Variants in ARHGAP26 observed in about 807,000 individuals in gnomAD.
The protein encoded by ARHGAP26 is Rho GTPase activating protein 26.
ARHGAP26 carries 38 observed loss-of-function variants against 104.8 expected under a neutral mutation model. That is an observed-to-expected ratio of 0.36 (90% CI 0.28 to 0.48). ARHGAP26 has a LOEUF of 0.48. ARHGAP26 is among the 20% of genes least tolerant of loss of function. ARHGAP26 has a pLI of 0.99. For missense variants in ARHGAP26, 704 were observed against 947.9 expected, an observed-to-expected ratio of 0.74 and a Z score of 3.38; for synonymous variants, 341 against 340.0, an observed-to-expected ratio of 1.00 and a Z score of -0.03.
chr5:142,778,663 G>A (rs958596251), intron 1 of ARHGAP26, among the ~76,000 whole-genome samples: 14 of 152,174 alleles, frequency 9.2e-5, no homozygotes, highest in African/African-American at 3.1e-4. Flanking sequence ...ATTAGAAGGC[G>A]TGCTGCAGTG....
At chr5:143,218,650 C>T (rs1443756033) in intron 22 of ARHGAP26, among the ~76,000 whole-genome samples, 1 of 152,172 alleles carries the variant, frequency 6.6e-6, no homozygotes, top group Non-Finnish European at 1.5e-5. Flanking sequence ...CCCATGTCCC[C>T]AGCAGCTTAT....
chr5:142,901,524 A>T (rs1015867033), intron 6 of ARHGAP26, among the ~76,000 whole-genome samples: 6 of 152,198 alleles, frequency 3.9e-5, no homozygotes, highest in Admixed American at 6.5e-5. Flanking sequence ...CAAATGTACT[A>T]GAGGGAAACT....
intron 20 of ARHGAP26, among the ~76,000 whole-genome samples, chr5:143,181,538 C>T (rs1804376740): frequency 6.6e-6 from 1 of 152,186 alleles, no homozygotes; most frequent in African/African-American, 2.4e-5. Context: ...GTGTTGTCAT[C>T]ACCTGGTTAT....
intron 11 of ARHGAP26, among the ~76,000 whole-genome samples, chr5:143,012,577 T>TATATATATATATAAA (rs1554195775): frequency 5.2e-5 from 1 of 19,088 alleles, no homozygotes; most frequent in East Asian, 7.6e-4. Context: ...ATATATATAT[T>TATATATATATATAAA]ATGATCAGGT....
At chr5:143,097,383 AG>A (rs1792517375) in intron 17 of ARHGAP26, among the ~76,000 whole-genome samples, 2 of 149,586 alleles carry the variant, frequency 1.3e-5, no homozygotes, top group Non-Finnish European at 3.0e-5. Context: ...AAAAAAAAAA[AG>A]AGCATATCTG....
intron 1 of ARHGAP26, among the ~76,000 whole-genome samples, chr5:142,825,091 G>A (rs563035909): frequency 6.6e-6 from 1 of 152,204 alleles, no homozygotes; most frequent in Non-Finnish European, 1.5e-5. Context: ...GGGATAAGTA[G>A]TAGAGGCAGC....
At position 143,204,095 on chromosome 5, in the gene ARHGAP26, A is replaced by G. The variant is rs552826247; in HGVS notation, c.1989-3103A>G. Among the ~76,000 whole-genome samples, 4 of 152,242 alleles carry G rather than the reference A, an allele frequency of 2.6e-5. No homozygotes were observed. In the South Asian group the frequency reaches 8.3e-4, roughly 32 times the overall value. On this transcript the variant is annotated intron_variant, in intron 20 of 22. Coordinates refer to ENST00000645722, the MANE Select transcript of ARHGAP26 (RefSeq NM_001135608.3). Reference sequence around the variant, plus strand: ...AAAAAAAAAAAATCACAGAAGTACTATGGAGTATGCATTTTATTATTATAC... The same window carrying G: ...AAAAAAAAAAAATCACAGAAGTACTGTGGAGTATGCATTTTATTATTATAC...
chr5:142,988,744 A>G (rs1282922344), intron 11 of ARHGAP26, among the ~76,000 whole-genome samples: 4 of 152,030 alleles, frequency 2.6e-5, no homozygotes, highest in Non-Finnish European at 1.5e-5. Flanking sequence ...TCATTTCGTT[A>G]TGTACCCAGT....
chr5:142,792,824 A>T (rs1169432478), intron 1 of ARHGAP26, among the ~76,000 whole-genome samples: 2 of 152,290 alleles, frequency 1.3e-5, no homozygotes, highest in East Asian at 3.9e-4. Context: ...TATTGTGCTG[A>T]TTTCTACTAT....
At chr5:142,973,481 C>T (rs561386075) in intron 11 of ARHGAP26, among the ~76,000 whole-genome samples, 48 of 152,300 alleles carry the variant, frequency 3.2e-4, no homozygotes, top group Non-Finnish European at 6.3e-4. Flanking sequence ...ACTCAAAAAT[C>T]GTTGAAATGT....
intron 1 of ARHGAP26, among the ~76,000 whole-genome samples, chr5:142,817,465 A>G (rs1765356372): frequency 6.6e-6 from 1 of 152,170 alleles, no homozygotes; most frequent in Non-Finnish European, 1.5e-5. Context: ...CACTGAGAGG[A>G]TGGTGCCTTG....
chr5:143,214,552 T>C (rs1449624460), intron 22 of ARHGAP26, among the ~76,000 whole-genome samples: 1 of 152,238 alleles, frequency 6.6e-6, no homozygotes, highest in Non-Finnish European at 1.5e-5. Flanking sequence ...TCCTCACTTT[T>C]GTCTGGGCAG....
intron 11 of ARHGAP26, among the ~76,000 whole-genome samples, chr5:142,969,787 A>G (rs1771962488): frequency 6.6e-6 from 1 of 151,290 alleles, no homozygotes; most frequent in African/African-American, 2.4e-5. Flanking sequence ...CCTGAAGATG[A>G]GGAGTATGGG....
intron 11 of ARHGAP26, among the ~76,000 whole-genome samples, chr5:142,962,047 T>C (rs1770343566): frequency 6.6e-6 from 1 of 152,216 alleles, no homozygotes; most frequent in Admixed American, 6.5e-5. Context: ...TGTTTGGTAC[T>C]GAGACTGAGT....
chr5:143,145,355 TC>T, intron 19 of ARHGAP26, among the ~76,000 whole-genome samples: 1 of 152,210 alleles, frequency 6.6e-6, no homozygotes, highest in Non-Finnish European at 1.5e-5. Flanking sequence ...CTGTTTTTCT[TC>T]CTGTCCTGTG....
chr5:143,029,325 G>T (rs1304107835), intron 12 of ARHGAP26, among the ~76,000 whole-genome samples: 2 of 150,000 alleles, frequency 1.3e-5, no homozygotes, highest in Non-Finnish European at 2.9e-5. Flanking sequence ...GAAGTGGCCT[G>T]CTCACAGCAA....
At chr5:142,973,881 G>T (rs965332460) in intron 11 of ARHGAP26, among the ~76,000 whole-genome samples, 1 of 152,200 alleles carries the variant, frequency 6.6e-6, no homozygotes, top group Non-Finnish European at 1.5e-5. Flanking sequence ...AGGACATCAG[G>T]TTGGCTTCCT....
At chr5:142,935,435 A>C (rs1765275790) in intron 11 of ARHGAP26, among the ~76,000 whole-genome samples, 1 of 152,360 alleles carries the variant, frequency 6.6e-6, no homozygotes, top group Admixed American at 6.5e-5. Context: ...AAAAGCTGCC[A>C]TGGACAATAT....
intron 11 of ARHGAP26, among the ~76,000 whole-genome samples, chr5:142,974,830 G>A (rs983167705): frequency 3.3e-5 from 5 of 152,008 alleles, no homozygotes; most frequent in East Asian, 3.9e-4. Flanking sequence ...TGTTCCTTTC[G>A]CCCTCTGTCC....
Sources: gnomAD v4.1 joint callset for allele counts (sites outside exome capture counted in the v4.1 genomes callset) on GRCh38, gnomAD v4.1.1 for gene constraint, MANE v1.5 for transcripts, NCBI Gene and HGNC (gene_info 2026-07-23, HGNC 2026-07-21) for gene names.